Variants in ATP8B1 observed in about 807,000 individuals in gnomAD.
ATP8B1 encodes the protein ATPase phospholipid transporting 8B1.
Under a neutral mutation model 149.9 loss-of-function variants are expected in ATP8B1, and 80 were observed. The ratio of observed to expected loss-of-function variants is 0.53; its 90% CI spans 0.45 to 0.64. The LOEUF (loss-of-function observed/expected upper bound fraction) is 0.64, where lower values mean the gene tolerates loss of function less well. Among genes scored for constraint, ATP8B1 ranks in the 30% least tolerant of loss-of-function variants. The probability of loss-of-function intolerance (pLI) is 0.00; values close to 1 mark genes in which losing one functional copy is unlikely to be tolerated. For missense variants in ATP8B1, 1,247 were observed against 1,552.6 expected (o/e 0.80, Z 3.31); for synonymous variants, 536 against 562.8 (o/e 0.95, Z 0.67).
Position 57,771,273 on chromosome 18 carries a change from C to T in ATP8B1, c.-26+31725G>A, listed in dbSNP as rs118041122. Reference sequence around the variant, plus strand: ...ACCACCTCCTAAAATCAAAATGGAGCTGTTTCTGTAGGAGTCAGACTACCT... The same window carrying T: ...ACCACCTCCTAAAATCAAAATGGAGTTGTTTCTGTAGGAGTCAGACTACCT... On this transcript the variant is annotated intron_variant, in intron 1 of 27. Coordinates refer to ENST00000648908, the MANE Select transcript of ATP8B1 (RefSeq NM_001374385.1). Among the ~76,000 whole-genome samples, 155 of 152,318 alleles carry T rather than the reference C, an allele frequency of 1.0e-3. 1 individual carries two copies. The East Asian group carries it at 0.028, about 27-fold the overall frequency.
At chr18:57,798,426 GA>G (rs2080539745) in intron 1 of ATP8B1, among the ~76,000 whole-genome samples, 1 of 143,510 alleles carries the variant, frequency 7.0e-6, no homozygotes, top group South Asian at 2.3e-4. Flanking sequence ...AAAAAAAATA[GA>G]AAAAAGAAAA....
chr18:57,763,851 T>C (rs775728642), intron 1 of ATP8B1, among the ~76,000 whole-genome samples: 1 of 152,198 alleles, frequency 6.6e-6, no homozygotes, highest in Non-Finnish European at 1.5e-5. Flanking sequence ...CTGGGTAGTT[T>C]CTAAACTCAA....
At chr18:57,673,010 C>T (rs57640826) in intron 16 of ATP8B1, among the ~76,000 whole-genome samples, 1 of 117,146 alleles carries the variant, frequency 8.5e-6, no homozygotes, top group Non-Finnish European at 1.7e-5. Context: ...TATAAATATA[C>T]ATATATAAAT....
chr18:57,652,313 G>T, intron 25 of ATP8B1, 141 bp from the exon 26 acceptor site: 1 of 1,445,606 alleles, frequency 6.9e-7, no homozygotes, highest in South Asian at 1.2e-5. Context: ...AACCATCCTT[G>T]ACTCAGGCAA....
intron 14 of ATP8B1, among the ~76,000 whole-genome samples, chr18:57,684,435 G>T (rs552646694): frequency 6.6e-6 from 1 of 151,794 alleles, no homozygotes; most frequent in Non-Finnish European, 1.5e-5. Flanking sequence ...GGAGTGCAGT[G>T]GCTTGATCTC....
intron 24 of ATP8B1, among the ~76,000 whole-genome samples, chr18:57,653,282 CTT>C (rs199543849): frequency 3.5e-4 from 40 of 114,464 alleles, no homozygotes; most frequent in African/African-American, 9.0e-4. Flanking sequence ...CTTTTCTTTT[CTT>C]TTTTTTTTTT....
In ATP8B1 at chr18:57,694,671, C is replaced by G; in HGVS notation, c.941-1G>C. ...TTCTTCATTATTTTAGTGTCAGCAC[C>G]TGAAAATGGAAAATTCAATGTAGTC... On this transcript the variant is annotated splice_acceptor_variant, in intron 10 of 27. Transcript: ENST00000648908. LOFTEE classifies it high-confidence loss of function. 1 of 1,569,358 alleles carries G rather than the reference C, an allele frequency of 6.4e-7. No homozygotes were observed. Among genetic ancestry groups the G allele is most frequent in the East Asian group, 2.2e-5 (1 of 44,658 alleles).
chr18:57,680,300 A>AAAAAAAAAAAAAAAAAAAAAC (rs2122789581), intron 15 of ATP8B1, among the ~76,000 whole-genome samples: 3 of 139,396 alleles, frequency 2.2e-5, no homozygotes, highest in East Asian at 4.4e-4. Context: ...AAAAAAAAAA[A>AAAAAAAAAAAAAAAAAAAAAC]AAGACTGGGT....
intron 12 of ATP8B1, among the ~76,000 whole-genome samples, chr18:57,689,544 C>T (rs1010768140): frequency 5.9e-5 from 9 of 152,182 alleles, no homozygotes; most frequent in African/African-American, 2.2e-4. Context: ...CTCCCCACTT[C>T]TCTCCCTTCC....
At chr18:57,762,295 C>T (rs919399050) in intron 1 of ATP8B1, among the ~76,000 whole-genome samples, 6 of 151,874 alleles carry the variant, frequency 4.0e-5, no homozygotes, top group African/African-American at 7.3e-5. Flanking sequence ...CCCGCCAACA[C>T]GCCTGGCTAA....
intron 1 of ATP8B1, among the ~76,000 whole-genome samples, chr18:57,751,688 A>T (rs555677800): frequency 1.3e-5 from 2 of 152,136 alleles, no homozygotes; most frequent in South Asian, 4.1e-4. Flanking sequence ...GAGAGGCTCT[A>T]TCTGCTCTGA....
intron 20 of ATP8B1, among the ~76,000 whole-genome samples, chr18:57,664,658 A>G (rs926813562): frequency 2.6e-5 from 4 of 151,780 alleles, no homozygotes; most frequent in African/African-American, 9.8e-5. Context: ...GTTTGTGTTA[A>G]AATGATATAT....
intron 18 of ATP8B1, chr18:57,668,775 A>C: frequency 2.1e-6 from 1 of 478,970 alleles, no homozygotes; most frequent in Non-Finnish European, 3.7e-6. Context: ...TTACCAAGAC[A>C]AAAATGCAAG....
At chr18:57,781,328 C>T (rs2080354480) in intron 1 of ATP8B1, among the ~76,000 whole-genome samples, 1 of 152,214 alleles carries the variant, frequency 6.6e-6, no homozygotes, top group Admixed American at 6.5e-5. Flanking sequence ...ATTCTTGAGA[C>T]TGTTTCACTC....
rs71171066 is a variant in ATP8B1 at position 57,680,277 on chromosome 18, C to CAAAAAAAAAAAAAAAAAAAA, written c.1630+3739_1630+3758dup. On this transcript the variant is annotated intron_variant, in intron 15 of 27. Coordinates refer to ENST00000648908, the MANE Select transcript of ATP8B1 (RefSeq NM_001374385.1). ...GGGCAACAGGAGCGAGACTCAGTCT[C>CAAAAAAAAAAAAAAAAAAAA]AAAAAAAAAAAAAAAAAAAAAAAAA... Among the ~76,000 whole-genome samples, 76 of 40,448 alleles carry CAAAAAAAAAAAAAAAAAAAA rather than the reference C, an allele frequency of 1.9e-3. 1 individual carries two copies. The highest frequency in any genetic ancestry group is 6.6e-3 in the South Asian group (5 of 760). The allele number at this position is 40,448 out of a possible 152,430, so 26.5% of individuals were successfully genotyped here. A position where few individuals can be genotyped will look rare whatever the true frequency, so the allele number is the denominator to read the frequency against.
chr18:57,703,576 C>A (rs1219660739), intron 4 of ATP8B1, among the ~76,000 whole-genome samples: 84 of 131,658 alleles, frequency 6.4e-4, no homozygotes, highest in Non-Finnish European at 7.5e-4. Flanking sequence ...AACACGGTCT[C>A]AAAAAAAAAA....
At chr18:57,744,580 C>T (rs1236841854) in intron 1 of ATP8B1, among the ~76,000 whole-genome samples, 5 of 152,244 alleles carry the variant, frequency 3.3e-5, no homozygotes, top group South Asian at 2.1e-4. Context: ...GTTATTTTTA[C>T]GTTCAAGCGT....
At chr18:57,694,510 A>G (rs1403723975) in intron 11 of ATP8B1, 72 bp downstream of exon 11, 1 of 1,074,830 alleles carries the variant, frequency 9.3e-7, no homozygotes, top group African/African-American at 1.6e-5. Flanking sequence ...TTGTATTAGA[A>G]AAACATACGA....
At chr18:57,777,953 A>C (rs148110358) in intron 1 of ATP8B1, among the ~76,000 whole-genome samples, 3 of 152,312 alleles carry the variant, frequency 2.0e-5, no homozygotes, top group Non-Finnish European at 2.9e-5. Context: ...TAAATGAAAA[A>C]ACAAATAATA....
Sources: allele counts gnomAD v4.1 joint callset (sites outside exome capture counted in the v4.1 genomes callset), GRCh38; gene constraint gnomAD v4.1.1; transcripts MANE v1.5; gene names NCBI Gene and HGNC (gene_info 2026-07-23, HGNC 2026-07-21).